Variants in XPR1 observed in about 807,000 individuals in gnomAD.
The protein encoded by XPR1 is solute carrier family 53 member 1.
A neutral mutation model predicts 87.5 loss-of-function variants in XPR1; 28 were observed. That is an observed-to-expected ratio of 0.32 (90% confidence interval 0.24 to 0.44). XPR1 has a LOEUF of 0.44. XPR1 is among the 20% of genes least tolerant of loss of function. The pLI is 1.00. For missense variants in XPR1, 559 were observed against 862.3 expected (o/e 0.65, Z 4.41); for synonymous variants, 300 against 306.1 (o/e 0.98, Z 0.21).
intron 9 of XPR1, among the ~76,000 whole-genome samples, chr1:180,827,803 C>G (rs1650904066): frequency 1.3e-5 from 2 of 151,980 alleles, no homozygotes; most frequent in Admixed American, 1.3e-4. Context: ...TGTGTTCACT[C>G]TAGTTATGTT....
chr1:180,689,555 A>G (rs1656910944), intron 2 of XPR1, among the ~76,000 whole-genome samples: 1 of 152,198 alleles, frequency 6.6e-6, no homozygotes, highest in Non-Finnish European at 1.5e-5. Context: ...AACAGTAGAT[A>G]CAGAGCTTAG....
At chr1:180,665,160 T>C (rs1655915112) in intron 1 of XPR1, among the ~76,000 whole-genome samples, 1 of 152,174 alleles carries the variant, frequency 6.6e-6, no homozygotes, top group Non-Finnish European at 1.5e-5. Context: ...AGTAAACACC[T>C]TTTTCAAAGG....
At chr1:180,864,406 G>T (rs1403452153) in intron 12 of XPR1, among the ~76,000 whole-genome samples, 3 of 151,974 alleles carry the variant, frequency 2.0e-5, no homozygotes, top group South Asian at 2.1e-4. Context: ...ATAATAATGT[G>T]CTTAGGTGTC....
intron 11 of XPR1, among the ~76,000 whole-genome samples, chr1:180,862,947 TA>T (rs1181658091): frequency 1.3e-5 from 2 of 152,130 alleles, no homozygotes; most frequent in African/African-American, 4.8e-5. Flanking sequence ...TTAGATAGTA[TA>T]TGAAGCAGAA....
At chr1:180,702,935 T>C (rs997486153) in intron 2 of XPR1, among the ~76,000 whole-genome samples, 5 of 152,158 alleles carry the variant, frequency 3.3e-5, no homozygotes, top group African/African-American at 1.2e-4. Flanking sequence ...ATTGACTTTC[T>C]TAGAGAAAGA....
chr1:180,749,675 ACACG>A (rs1557988532), intron 2 of XPR1, among the ~76,000 whole-genome samples: 1 of 149,178 alleles, frequency 6.7e-6, no homozygotes, highest in Non-Finnish European at 1.5e-5. Flanking sequence ...ACACACACAC[ACACG>A]GAGCTGGTGG....
At chr1:180,812,655 T>C (rs924803915) in intron 7 of XPR1, among the ~76,000 whole-genome samples, 5 of 150,744 alleles carry the variant, frequency 3.3e-5, no homozygotes, top group Non-Finnish European at 5.9e-5. Flanking sequence ...ATTTCTTTTT[T>C]TTTTTTTTTT....
intron 1 of XPR1, among the ~76,000 whole-genome samples, chr1:180,636,142 A>G (rs1413300414): frequency 1.3e-5 from 2 of 152,218 alleles, no homozygotes; most frequent in Non-Finnish European, 2.9e-5. Flanking sequence ...AGACATTACC[A>G]TAACATTATT....
chr1:180,822,042 A>G (rs1304006084), intron 7 of XPR1, among the ~76,000 whole-genome samples: 4 of 152,194 alleles, frequency 2.6e-5, no homozygotes, highest in African/African-American at 9.7e-5. Flanking sequence ...ATAACTTCCT[A>G]ACTAATCTTG....
chr1:180,840,556 GTGTGTGTGTGTATATATATATATA>G (rs1408956079), intron 11 of XPR1, among the ~76,000 whole-genome samples: 1 of 134,504 alleles, frequency 7.4e-6, no homozygotes, highest in Non-Finnish European at 1.6e-5. Context: ...GTGTGTGTGT[GTGTGTGTGTGTATATATATATATA>G]TATATATATA....
chr1:180,857,071 T>TA (rs1283047651), intron 11 of XPR1, among the ~76,000 whole-genome samples: 1 of 152,262 alleles, frequency 6.6e-6, no homozygotes, highest in Non-Finnish European at 1.5e-5. Context: ...ATTTTAGGTA[T>TA]AGATTACATA....
chr1:180,714,436 A>G (rs1050369549), intron 2 of XPR1, among the ~76,000 whole-genome samples: 3 of 126,128 alleles, frequency 2.4e-5, no homozygotes, highest in Admixed American at 2.1e-4. Flanking sequence ...GTCTCGTCTC[A>G]TCTTGTTGCC....
chr1:180,800,704 A>T (rs1039621329), intron 3 of XPR1, among the ~76,000 whole-genome samples: 1 of 152,220 alleles, frequency 6.6e-6, no homozygotes, highest in Admixed American at 6.5e-5. Context: ...AATCTTTGCA[A>T]AGTCTGGATA....
At chr1:180,876,811 T>C (rs766892460) in intron 13 of XPR1, among the ~76,000 whole-genome samples, 1 of 152,234 alleles carries the variant, frequency 6.6e-6, no homozygotes, top group Non-Finnish European at 1.5e-5. Context: ...CTATAAACTT[T>C]CCCTTGAAAT....
chr1:180,760,213 A>G (rs1232289424), intron 2 of XPR1, among the ~76,000 whole-genome samples: 1 of 152,194 alleles, frequency 6.6e-6, no homozygotes, highest in Non-Finnish European at 1.5e-5. Flanking sequence ...CAAGACAGGG[A>G]TACCCTCTCT....
intron 2 of XPR1, among the ~76,000 whole-genome samples, chr1:180,755,779 C>A (rs1461849825): frequency 1.3e-5 from 2 of 152,142 alleles, no homozygotes; most frequent in Non-Finnish European, 2.9e-5. Flanking sequence ...GTGCTTCTAA[C>A]CCCACTTTTC....
At chr1:180,706,612 C>CT (rs569529515) in intron 2 of XPR1, among the ~76,000 whole-genome samples, 152 of 144,780 alleles carry the variant, frequency 1.0e-3, no homozygotes, top group South Asian at 5.3e-3. Flanking sequence ...GACACAGAAG[C>CT]TTTTTTTTTT....
At chr1:180,882,762 T>C (rs1425977835) in intron 14 of XPR1, among the ~76,000 whole-genome samples, 2 of 152,172 alleles carry the variant, frequency 1.3e-5, no homozygotes, top group Non-Finnish European at 2.9e-5. Flanking sequence ...CTATTTGGGC[T>C]CTCTCACATA....
chr1:180,767,476 G>A (rs1369092754), intron 2 of XPR1, among the ~76,000 whole-genome samples: 1 of 152,120 alleles, frequency 6.6e-6, no homozygotes, highest in Non-Finnish European at 1.5e-5. Context: ...GATCCTTAGT[G>A]CATTCTCTTT....
Sources: allele counts gnomAD v4.1 joint callset (sites outside exome capture counted in the v4.1 genomes callset), GRCh38; gene constraint gnomAD v4.1.1; transcripts MANE v1.5; gene names NCBI Gene and HGNC (gene_info 2026-07-23, HGNC 2026-07-21).